Variants in ZC3H10 observed in about 807,000 individuals in gnomAD.
The protein encoded by ZC3H10 is zinc finger CCCH-type containing 10, also known as zinc finger CCCH domain-containing protein 10.
ZC3H10 carries 12 observed loss-of-function variants against 24.3 expected under a neutral mutation model. The observed-to-expected ratio is 0.49, with a 90% confidence interval of 0.32 to 0.80. The LOEUF (loss-of-function observed/expected upper bound fraction) is 0.80. Ranked by LOEUF, ZC3H10 falls within the 30% of genes least tolerant of loss-of-function variation. The pLI, the probability that ZC3H10 is intolerant of heterozygous loss-of-function variation, is 0.04. For missense variants in ZC3H10, 360 were observed against 576.3 expected (o/e 0.62, Z 3.84); for synonymous variants, 226 against 217.0 (o/e 1.04, Z -0.36).
Position 56,121,318 on chromosome 12 carries a change from G to A in ZC3H10, c.756G>A (p.Glu252=). The A allele has an allele frequency of 6.2e-7, 1 of 1,613,808 alleles. No individual in the cohort carries two copies. Among genetic ancestry groups the A allele is most frequent in the Non-Finnish European group, 8.5e-7 (1 of 1,180,006 alleles). The change falls in exon 3 of 3, where the codon GAG becomes GAA. Residue 252 remains glutamate (E), a synonymous_variant. Coordinates refer to ENST00000257940, the MANE Select transcript of ZC3H10 (RefSeq NM_032786.3). This position sits in a 1 kb window ranked among gnomAD's most constrained non-coding sequence, Gnocchi z 6.2. ...ATGCCATGCTCAGGAAGCGGGTAGA[G>A]GAGTTAAAGAAGCAGGTCAGCAACC... ...EENAMLRKRV[E]ELKKQVSNLL... is the part of the protein sequence containing the mutation.
At position 56,121,562 on chromosome 12, in the gene ZC3H10, C is replaced by G; in HGVS notation, c.1000C>G (p.Pro334Ala). Residue 334 changes from proline to alanine, a missense_variant, in exon 3 of 3, where the codon CCT (proline) becomes GCT (alanine). By Grantham distance (27) the Pro-to-Ala change is conservative. Coordinates refer to ENST00000257940, the MANE Select transcript of ZC3H10 (RefSeq NM_032786.3). This position sits in a 1 kb window ranked among gnomAD's most constrained non-coding sequence, Gnocchi z 6.2. ...RPVSQQELVA[P>A]AGAPAAPPTN... The stretch of plus-strand genomic sequence containing the variant: ...AGTGTCCCAGCAAGAACTGGTGGCC[C>G]CTGCTGGAGCTCCAGCTGCTCCCCC... 1 of 1,614,086 alleles carries G rather than the reference C, an allele frequency of 6.2e-7. No homozygotes were observed. The highest frequency in any genetic ancestry group is 1.6e-4 in the Middle Eastern group (1 of 6,062).
chr12:56,120,408 C>T, intron 2 of ZC3H10, 103 bp from the exon 3 acceptor site: 1 of 1,379,796 alleles, frequency 7.2e-7, no homozygotes, highest in Non-Finnish European at 9.3e-7. Flanking sequence ...CTTAGATTCT[C>T]CATCTCTAAA....
chr12:56,120,490 T>A lies in ZC3H10; in HGVS notation c.-52-21T>A, dbSNP rs943214617. On this transcript the variant is annotated intron_variant, in intron 2 of 2. Transcript: ENST00000257940. ...ATCTCCCTGGAGGACTCCTGTTTGA[T>A]ACAGTTCTCCTCTTTTGTAGTGGTC... is the stretch of plus-strand genomic sequence containing the variant. 2.1e-6 allele frequency: 3 copies of A among 1,451,490 alleles called. No homozygotes were observed. In the South Asian group the frequency reaches 4.3e-5, roughly 21 times the overall value. The allele number at this position is 1,451,490 out of a possible 1,614,324, so 89.9% of individuals were successfully genotyped here. A position where few individuals can be genotyped will look rare whatever the true frequency, so the allele number is the denominator to read the frequency against.
intron 2 of ZC3H10, chr12:56,119,901 A>T (rs1309751987): frequency 6.6e-6 from 1 of 152,176 alleles, no homozygotes; most frequent in Non-Finnish European, 1.5e-5. Flanking sequence ...TAGAACTCCT[A>T]TCCTGAAATA....
rs957894739 is a variant in ZC3H10 at position 56,122,581 on chromosome 12, C to T, written c.*714C>T. On this transcript the variant is annotated 3_prime_UTR_variant, in exon 3 of 3. Coordinates refer to ENST00000257940, the MANE Select transcript of ZC3H10 (RefSeq NM_032786.3). ...TCTCATGCCAAAATGGGATAAAGAC[C>T]CCAGCCTCACATAGCTTTGGTAAGA... The T allele has an allele frequency of 2.5e-5, 4 of 159,856 alleles. No homozygotes were observed. The highest frequency in any genetic ancestry group is 4.8e-5 in the African/African-American group (2 of 41,394). 9.9% of individuals were successfully genotyped at this position (159,856 alleles called of 1,614,324 possible). A position where few individuals can be genotyped will look rare whatever the true frequency, so the allele number is the denominator to read the frequency against.
In ZC3H10 at chr12:56,121,970, T is replaced by G; in HGVS notation, c.*103T>G. 2 of 1,347,708 alleles carry G rather than the reference T, an allele frequency of 1.5e-6. No individual in the cohort carries two copies. The highest frequency in any genetic ancestry group is 1.0e-6 in the Non-Finnish European group (1 of 999,462). 83.5% of individuals were successfully genotyped at this position (1,347,708 alleles called of 1,614,324 possible). The stretch of plus-strand genomic sequence containing the variant: ...CCCATCCCTGTCTGAAGGGCTCCCT[T>G]GAGAACTAGGACAAGAGACTACAAG... On this transcript the variant is annotated 3_prime_UTR_variant, in exon 3 of 3. Transcript: ENST00000257940. This position sits in a 1 kb window ranked among gnomAD's most constrained non-coding sequence, Gnocchi z 6.2.
At chr12:56,120,371 CAG>C in intron 2 of ZC3H10, 138 bp from the exon 3 acceptor site, 1 of 1,346,476 alleles carries the variant, frequency 7.4e-7, no homozygotes, top group South Asian at 2.2e-5. Context: ...TTTGATGAGT[CAG>C]ACATTTCAGC....
chr12:56,118,892 C>G (rs1176658408), intron 1 of ZC3H10, 196 bp from the exon 2 acceptor site: 1 of 152,584 alleles, frequency 6.6e-6, no homozygotes, highest in Non-Finnish European at 1.5e-5. Flanking sequence ...AACCCCTCCT[C>G]CCAGTCCCTC....
rs1310592717 is a variant in ZC3H10, at chr12:56,121,336, C to T, written c.774C>T (p.Val258=). ...RKRVEELKKQ[V]SNLLATNEVL... ...GGGTAGAGGAGTTAAAGAAGCAGGT[C>T]AGCAACCTGCTGGCCACCAATGAGG... The change falls in exon 3 of 3, where the codon GTC becomes GTT. Residue 258 remains valine (V), a synonymous_variant. Coordinates refer to ENST00000257940, the MANE Select transcript of ZC3H10 (RefSeq NM_032786.3). This position sits in a 1 kb window ranked among gnomAD's most constrained non-coding sequence, Gnocchi z 6.2. The T allele has an allele frequency of 3.7e-6, 6 of 1,613,982 alleles. No homozygotes were observed. Among genetic ancestry groups the T allele is most frequent in the Non-Finnish European group, 5.1e-6 (6 of 1,180,024 alleles).
chr12:56,118,529 C>G (rs1388458703), intron 1 of ZC3H10: 3 of 152,574 alleles, frequency 2.0e-5, no homozygotes, highest in Non-Finnish European at 4.4e-5. Flanking sequence ...ATCCCCTCAG[C>G]TTGATGACAC....
In ZC3H10 at chr12:56,127,461, A is replaced by C. The variant is rs893562831; in HGVS notation, c.*5594A>C. ...ACATCCATCCTCTAAGATAGAGATG[A>C]CTTACTAACTCTTGGAAATTTCCAA... On this transcript the variant is annotated 3_prime_UTR_variant, in exon 3 of 3. Coordinates refer to ENST00000257940, the MANE Select transcript of ZC3H10 (RefSeq NM_032786.3). 2 of 152,196 alleles carry C rather than the reference A, an allele frequency of 1.3e-5. No individual in the cohort carries two copies. Among genetic ancestry groups the C allele is most frequent in the Non-Finnish European group, 2.9e-5 (2 of 68,036 alleles). 9.4% of individuals were successfully genotyped at this position (152,196 alleles called of 1,614,324 possible).
At position 56,123,187 on chromosome 12, in the gene ZC3H10, A is replaced by G. The variant is rs1284957622; in HGVS notation, c.*1320A>G. ...GGAAAACAACTCAGGTGTCTAGTCT[A>G]ATGGGACAGTAGATTTGGGGGTAGA... On this transcript the variant is annotated 3_prime_UTR_variant, in exon 3 of 3. Coordinates refer to ENST00000257940, the MANE Select transcript of ZC3H10 (RefSeq NM_032786.3). The G allele has an allele frequency of 6.6e-6, 1 of 152,184 alleles. No individual in the cohort carries two copies. Among genetic ancestry groups the G allele is most frequent in the Non-Finnish European group, 1.5e-5 (1 of 68,018 alleles). 9.4% of individuals were successfully genotyped at this position (152,184 alleles called of 1,614,324 possible). A position where few individuals can be genotyped will look rare whatever the true frequency, so the allele number is the denominator to read the frequency against.
rs1257990813 is a variant in ZC3H10, at chr12:56,125,987, C to CT, written c.*4120_*4121insT. The CT allele has an allele frequency of 1.3e-5, 2 of 152,078 alleles. No homozygotes were observed. The highest frequency in any genetic ancestry group is 6.5e-5 in the Admixed American group (1 of 15,278). 9.4% of individuals were successfully genotyped at this position (152,078 alleles called of 1,614,324 possible). On this transcript the variant is annotated 3_prime_UTR_variant, in exon 3 of 3. Transcript: ENST00000257940. ...TGTATTTTTAGTAGAGACGGGGTTT[C>CT]GCCATGTTGGCCAGGCTGGTCTTGA... is the stretch of plus-strand genomic sequence containing the variant.
rs1869888072 is a variant in ZC3H10, at chr12:56,122,888, G to GTT, written c.*1021_*1022insTT. On this transcript the variant is annotated 3_prime_UTR_variant, in exon 3 of 3. Transcript: ENST00000257940. ...ATCCTTATTCAAACAGAGCAGGACA[G>GTT]GTGGAGTTGATGGCCATTGAGTTGA... 6.6e-6 allele frequency: 1 copy of GTT among 152,318 alleles called. No homozygotes were observed. Among genetic ancestry groups the GTT allele is most frequent in the Non-Finnish European group, 1.5e-5 (1 of 68,116 alleles). 9.4% of individuals were successfully genotyped at this position (152,318 alleles called of 1,614,324 possible).
Position 56,121,624 on chromosome 12 carries a change from A to T in ZC3H10, c.1062A>T (p.Pro354=). The part of the protein sequence containing the change: ...NAAPPAAPPP[P]PPHLTPEITP... ...CACCTCCTGCTGCTCCACCACCCCC[A>T]CCCCCACACTTGACCCCAGAGATCA... Residue 354 remains proline, a synonymous_variant, in exon 3 of 3, where the codon CCA becomes CCT. Coordinates refer to ENST00000257940, the MANE Select transcript of ZC3H10 (RefSeq NM_032786.3). This position sits in a 1 kb window ranked among gnomAD's most constrained non-coding sequence, Gnocchi z 6.2. The T allele has an allele frequency of 6.9e-7, 1 of 1,443,236 alleles. No individual in the cohort carries two copies. The highest frequency in any genetic ancestry group is 1.7e-5 in the African/African-American group (1 of 58,648). The allele number at this position is 1,443,236 out of a possible 1,614,324, so 89.4% of individuals were successfully genotyped here.
In ZC3H10 at chr12:56,121,306, G is replaced by A; in HGVS notation, c.744G>A (p.Arg248=). 6.2e-7 allele frequency: 1 copy of A among 1,613,638 alleles called. No individual in the cohort carries two copies. The highest frequency in any genetic ancestry group is 8.5e-7 in the Non-Finnish European group (1 of 1,179,976). ...TAGAGGAGGAGAATGCCATGCTCAGGAAGCGGGTAGAGGAGTTAAAGAAGC... is the reference window on the plus strand; with the variant it reads ...TAGAGGAGGAGAATGCCATGCTCAGAAAGCGGGTAGAGGAGTTAAAGAAGC... The part of the protein sequence containing the change: ...RLLEEENAML[R]KRVEELKKQV... The change falls in exon 3 of 3, where the codon AGG becomes AGA. Residue 248 remains arginine, a synonymous_variant. Transcript: ENST00000257940. The surrounding 1 kb of genome is among the most constrained non-coding windows in gnomAD (Gnocchi z 6.2).
In ZC3H10 at chr12:56,118,290, G is replaced by C. The variant is rs887436140; in HGVS notation, c.-145G>C. ...TGTCGAAGCTAGAGGACCGGCAGGCGGCAGCAGCAACTACGGCGGCGGCGG... is the reference window on the plus strand; with the variant it reads ...TGTCGAAGCTAGAGGACCGGCAGGCCGCAGCAGCAACTACGGCGGCGGCGG... On this transcript the variant is annotated 5_prime_UTR_variant, in exon 1 of 3. Transcript: ENST00000257940. 2 of 153,490 alleles carry C rather than the reference G, an allele frequency of 1.3e-5. No homozygotes were observed. Among genetic ancestry groups the C allele is most frequent in the African/African-American group, 4.8e-5 (2 of 41,440 alleles). The allele number at this position is 153,490 out of a possible 1,614,324, so 9.5% of individuals were successfully genotyped here.
At position 56,120,869 on chromosome 12, in the gene ZC3H10, G is replaced by T. The variant is rs1869793295; in HGVS notation, c.307G>T (p.Asp103Tyr). 6.2e-7 allele frequency: 1 copy of T among 1,614,062 alleles called. No homozygotes were observed. The highest frequency in any genetic ancestry group is 1.7e-5 in the Admixed American group (1 of 60,012). ...CATCCATGGCTCCAAGGAGGATGAG[G>T]ATGGCTATAAGAAGACAGGAGAGCT... ...RFIHGSKEDEDGYKKTGELPP... is the reference protein window; with the variant it reads ...RFIHGSKEDEYGYKKTGELPP... Residue 103 changes from aspartate to tyrosine, a missense_variant, in exon 3 of 3, where the codon GAT (aspartate) becomes TAT (tyrosine). Coordinates refer to ENST00000257940, the MANE Select transcript of ZC3H10 (RefSeq NM_032786.3).
rs377631095 is a variant in ZC3H10 at position 56,121,088 on chromosome 12, G to A, written c.526G>A (p.Gly176Ser). The A allele has an allele frequency of 6.2e-7, 1 of 1,614,072 alleles. No individual in the cohort carries two copies. The highest frequency in any genetic ancestry group is 1.3e-5 in the African/African-American group (1 of 74,918). Residue 176 changes from glycine to serine, a missense_variant, in exon 3 of 3, where the codon GGC becomes AGC. By Grantham distance (56) the Gly-to-Ser change is moderately conservative. Transcript: ENST00000257940. The surrounding 1 kb of genome is among the most constrained non-coding windows in gnomAD (Gnocchi z 6.2). ...DARGGGGTGGGSTGSVLPGRR... is the reference protein window; with the variant it reads ...DARGGGGTGGSSTGSVLPGRR... ...TCGGGGTGGAGGAGGCACTGGTGGG[G>A]GCTCAACAGGCTCAGTCCTCCCAGG...
Sources: gnomAD v4.1 joint callset for allele counts on GRCh38, gnomAD v4.1.1 for gene constraint, Gnocchi (gnomAD v3.1) non-coding constraint, MANE v1.5 for transcripts, NCBI Gene and HGNC (gene_info 2026-07-23, HGNC 2026-07-21) for gene names.